CFAP92: variants seen among roughly 807,000 people sequenced by gnomAD.
CFAP92 encodes cilia and flagella associated protein 92 (putative).
Under a neutral mutation model 106.3 loss-of-function variants are expected in CFAP92, and 86 were observed. That is an observed-to-expected ratio of 0.81 (90% confidence interval 0.68 to 0.97). CFAP92 has a LOEUF of 0.97. Among genes scored for constraint, CFAP92 ranks in the 50% least tolerant of loss-of-function variants. The pLI, the probability that CFAP92 is intolerant of heterozygous loss-of-function variation, is 0.00. For synonymous variants in CFAP92, 477 were observed against 506.4 expected (o/e 0.94, Z 0.78); for missense variants, 1,204 against 1,283.8 (o/e 0.94, Z 0.95).
rs558164082 is a variant in CFAP92 at position 128,910,157 on chromosome 3, C to G, written c.*142G>C. On this transcript the variant is annotated 3_prime_UTR_variant, in exon 16 of 16. Coordinates refer to ENST00000645291, the MANE Select transcript of CFAP92 (RefSeq NM_001394090.1). ...CGCAACCACGACCACGAGGTGAGCC[C>G]AGCCCAGCCTCACACAGGGCCTGGC... 25 of 1,613,814 alleles carry G rather than the reference C, an allele frequency of 1.5e-5. No individual in the cohort carries two copies. The highest frequency in any genetic ancestry group is 4.5e-5 in the East Asian group (2 of 44,900).
At position 128,909,894 on chromosome 3, in the gene CFAP92, G is replaced by GTGT. The variant is rs1283338919; in HGVS notation, c.*402_*404dup. The GTGT allele has an allele frequency of 2.3e-6, 3 of 1,296,086 alleles. No individual in the cohort carries two copies. Among genetic ancestry groups the GTGT allele is most frequent in the Non-Finnish European group, 1.1e-6 (1 of 913,062 alleles). 80.3% of individuals were successfully genotyped at this position (1,296,086 alleles called of 1,614,324 possible). A position where few individuals can be genotyped will look rare whatever the true frequency, so the allele number is the denominator to read the frequency against. ...GTTCTCCCACAACCTGAAGAGAAAG[G>GTGT]TGTTATTGACTCCACTTTCTCAAGG... On this transcript the variant is annotated 3_prime_UTR_variant, in exon 16 of 16. Transcript: ENST00000645291.
At chr3:128,966,372 G>A (rs374701805) in intron 8 of CFAP92, among the ~76,000 whole-genome samples, 27 of 152,212 alleles carry the variant, frequency 1.8e-4, no homozygotes, top group African/African-American at 6.3e-4. Flanking sequence ...TACTCAGTGG[G>A]TTGCTTCATC....
At chr3:128,950,570 A>G (rs1940681541) in intron 9 of CFAP92, among the ~76,000 whole-genome samples, 1 of 152,044 alleles carries the variant, frequency 6.6e-6, no homozygotes, top group Admixed American at 6.6e-5. Flanking sequence ...AACTCACAGA[A>G]CTCAGCATGG....
upstream of CFAP92, chr3:129,002,701 T>C (rs1326898817): frequency 1.2e-5 from 3 of 243,048 alleles, no homozygotes; most frequent in Non-Finnish European, 2.3e-5. Context: ...GCCAGGCTTC[T>C]GGGAGGTTTA....
upstream of CFAP92, chr3:129,003,429 G>A (rs1463658785): frequency 4.5e-5 from 16 of 353,692 alleles, no homozygotes; most frequent in Non-Finnish European, 5.9e-5. Flanking sequence ...GGGAGTCTAG[G>A]AGATGAGGAA....
At chr3:129,005,155 C>T (rs1559956121), upstream of CFAP92, among the ~76,000 whole-genome samples, 5 of 150,854 alleles carry the variant, frequency 3.3e-5, no homozygotes, top group South Asian at 4.1e-4. Context: ...GTGACTAGGA[C>T]AGACTGAATT....
chr3:128,943,562 T>C (rs1257235715), intron 10 of CFAP92, among the ~76,000 whole-genome samples: 6 of 151,338 alleles, frequency 4.0e-5, no homozygotes, highest in Non-Finnish European at 1.5e-5. Context: ...TGAGACGGAG[T>C]TTCGCTCTTG....
At chr3:129,002,514 A>G in intron 1 of CFAP92, 1 of 1,160,836 alleles carries the variant, frequency 8.6e-7, no homozygotes, top group Non-Finnish European at 1.1e-6. Context: ...CCAGTCCCCA[A>G]CCCTATTCTT....
chr3:129,013,557 G>T, the CFAP92 span, among the ~76,000 whole-genome samples: 1 of 152,098 alleles, frequency 6.6e-6, no homozygotes, highest in African/African-American at 2.4e-5. Flanking sequence ...TCATCATCAG[G>T]ATTAGCTCCT....
At chr3:129,004,061 G>T, upstream of CFAP92, 1 of 1,510,098 alleles carries the variant, frequency 6.6e-7, no homozygotes, top group Non-Finnish European at 8.8e-7. Flanking sequence ...GCTGGAGGCG[G>T]AGCTGCAACG....
At chr3:129,012,454 T>C in the CFAP92 span, among the ~76,000 whole-genome samples, 1 of 152,176 alleles carries the variant, frequency 6.6e-6, no homozygotes, top group African/African-American at 2.4e-5. Context: ...TACTCGCTCC[T>C]GCTCCACATA....
chr3:129,008,728 G>A, the CFAP92 span, among the ~76,000 whole-genome samples: 1 of 152,266 alleles, frequency 6.6e-6, no homozygotes, highest in Non-Finnish European at 1.5e-5. Context: ...TGAAATAGAA[G>A]CCTCCCAGGT....
intron 12 of CFAP92, among the ~76,000 whole-genome samples, chr3:128,922,741 G>A (rs1937397518): frequency 1.3e-5 from 2 of 152,200 alleles, no homozygotes; most frequent in Non-Finnish European, 2.9e-5. Context: ...GGCCAGGAAG[G>A]AACAATTCAA....
chr3:129,015,667 T>TG, the CFAP92 span, among the ~76,000 whole-genome samples: 9 of 151,764 alleles, frequency 5.9e-5, no homozygotes, highest in Non-Finnish European at 7.4e-5. Flanking sequence ...TCAGTAAAGT[T>TG]GGGGGGGTTC....
chr3:128,918,118 A>C (rs789237), intron 12 of CFAP92, among the ~76,000 whole-genome samples: 35,996 of 152,170 alleles, frequency 0.24, 4,651 homozygotes, highest in East Asian at 0.56. Context: ...ATATCCAAGC[A>C]AACTAATTGT....
intron 12 of CFAP92, among the ~76,000 whole-genome samples, chr3:128,931,472 C>CATATATAGGT (rs60585171): frequency 3.4e-5 from 5 of 147,550 alleles, no homozygotes; most frequent in African/African-American, 1.3e-4. Context: ...TATACACATA[C>CATATATAGGT]ATGTATATAT....
chr3:128,978,124 G>C lies in CFAP92; in HGVS notation c.729C>G (p.Asn243Lys). The change falls in exon 5 of 16, where the codon AAC (asparagine) becomes AAG (lysine). Residue 243 changes from asparagine (N) to lysine (K), a missense_variant. Asn to Lys is a moderately conservative substitution (Grantham distance 94). Coordinates refer to ENST00000645291, the MANE Select transcript of CFAP92 (RefSeq NM_001394090.1). ...CCTGGTTCGACTCTTCTCTGACAAT[G>C]TTGGTATTCTCAATGCCCTGTTCAG... is the stretch of plus-strand genomic sequence containing the variant. ...KLSEQGIENT[N>K]IVREESNQEH... 6.2e-7 allele frequency: 1 copy of C among 1,613,928 alleles called. No individual in the cohort carries two copies. The highest frequency in any genetic ancestry group is 8.5e-7 in the Non-Finnish European group (1 of 1,179,852).
At position 129,001,321 on chromosome 3, in the gene CFAP92, C is replaced by T. The variant is rs1440503462; in HGVS notation, n.117+1253G>A. ...AAAAGCGCAGACGCCAGGAACGCCCCGTGAGTGAGGAGAGGAGAGCGTGGG... is the reference window on the plus strand; with the variant it reads ...AAAAGCGCAGACGCCAGGAACGCCCTGTGAGTGAGGAGAGGAGAGCGTGGG... On this transcript the variant is annotated intron_variant and non_coding_transcript_variant, in intron 1 of 4. Coordinates refer to the CFAP92 transcript ENST00000510149. Among the ~76,000 whole-genome samples the T allele has an allele frequency of 3.3e-5, 5 of 152,276 alleles. No homozygotes were observed. The East Asian group carries it at 5.8e-4, about 18-fold the overall frequency.
chr3:128,924,301 G>A (rs6785869), intron 12 of CFAP92, among the ~76,000 whole-genome samples: 37,524 of 151,914 alleles, frequency 0.25, 5,094 homozygotes, highest in East Asian at 0.58. Flanking sequence ...TCTAAGCCCA[G>A]GGCACAAAAC....
Sources: allele counts gnomAD v4.1 joint callset (sites outside exome capture counted in the v4.1 genomes callset), GRCh38; gene constraint gnomAD v4.1.1; transcripts MANE v1.5; gene names NCBI Gene and HGNC (gene_info 2026-07-23, HGNC 2026-07-21).